Variants in FHIP2A observed in about 807,000 individuals in gnomAD.
The protein encoded by FHIP2A is FHF complex subunit HOOK interacting protein 2A, also known as family with sequence similarity 160 member B1.
Under a neutral mutation model 93.5 loss-of-function variants are expected in FHIP2A, and 46 were observed. The observed-to-expected ratio is 0.49, with a 90% CI of 0.39 to 0.63. The LOEUF (loss-of-function observed/expected upper bound fraction) is 0.63, where lower values mean the gene tolerates loss of function less well. FHIP2A is among the 20% of genes least tolerant of loss of function. The probability of loss-of-function intolerance (pLI) is 0.00; values close to 1 mark genes in which losing one functional copy is unlikely to be tolerated. For synonymous variants in FHIP2A, 332 were observed against 326.5 expected, an observed-to-expected ratio of 1.02 and a Z score of -0.18; for missense variants, 769 against 909.7, an observed-to-expected ratio of 0.85 and a Z score of 1.99.
At chr10:114,823,687 T>TG (rs1386492554) in intron 1 of FHIP2A, among the ~76,000 whole-genome samples, 6 of 148,760 alleles carry the variant, frequency 4.0e-5, no homozygotes, top group South Asian at 2.1e-4. Context: ...TTAGTAGAGA[T>TG]GGGGTTTCAC....
chr10:114,840,187 G>A (rs558610580), intron 5 of FHIP2A, among the ~76,000 whole-genome samples: 21 of 152,204 alleles, frequency 1.4e-4, no homozygotes, highest in African/African-American at 4.3e-4. Flanking sequence ...CCAGGAGTTC[G>A]AGATCAGCCT....
chr10:114,862,020 A>C lies in FHIP2A; in HGVS notation c.*480A>C, dbSNP rs560232129. ...AATTCTTATCAAACAAAATATGAAAACTGTAAATGAGAAAAAAATACAATT... is the reference window on the plus strand; with the variant it reads ...AATTCTTATCAAACAAAATATGAAACCTGTAAATGAGAAAAAAATACAATT... On this transcript the variant is annotated 3_prime_UTR_variant, in exon 17 of 17. Transcript: ENST00000369248. 172 of 970,166 alleles carry C rather than the reference A, an allele frequency of 1.8e-4. 1 individual carries two copies. In the African/African-American group the frequency reaches 2.9e-3, roughly 16 times the overall value. 60.1% of individuals were successfully genotyped at this position (970,166 alleles called of 1,614,324 possible).
intron 12 of FHIP2A, among the ~76,000 whole-genome samples, chr10:114,847,549 A>G (rs1264868202): frequency 3.9e-5 from 6 of 152,118 alleles, no homozygotes; most frequent in African/African-American, 1.4e-4. Context: ...TCGGCCTCCC[A>G]AAGTGTATAA....
At chr10:114,866,277 C>A (rs1282853705), downstream of FHIP2A, among the ~76,000 whole-genome samples, 7 of 152,164 alleles carry the variant, frequency 4.6e-5, no homozygotes, top group East Asian at 1.3e-3. Flanking sequence ...CTATCCATGT[C>A]CCTGCAAAGG....
Position 114,861,601 on chromosome 10 carries a change from T to C in FHIP2A, c.*61T>C. ...CTGTGTACATTTCACCAAAAAAGAC[T>C]CAGTTCCACCCAGCCACAAGAGGAT... On this transcript the variant is annotated 3_prime_UTR_variant, in exon 17 of 17. Transcript: ENST00000369248. The C allele has an allele frequency of 6.3e-7, 1 of 1,584,228 alleles. No homozygotes were observed. Among genetic ancestry groups the C allele is most frequent in the Non-Finnish European group, 8.6e-7 (1 of 1,167,922 alleles).
Position 114,821,898 on chromosome 10 carries a change from A to AGCC in FHIP2A, c.-177_-175dup, listed in dbSNP as rs2083525864. On this transcript the variant is annotated 5_prime_UTR_variant, in exon 1 of 17. Coordinates refer to ENST00000369248, the MANE Select transcript of FHIP2A (RefSeq NM_020940.4). The stretch of plus-strand genomic sequence containing the variant: ...GTCCCGGCGCCCTCCGGAGCCGCCG[A>AGCC]GCCGCCCGCGCACACCTGAAGCGGC... 2 of 310,872 alleles carry AGCC rather than the reference A, an allele frequency of 6.4e-6. No individual in the cohort carries two copies. Among genetic ancestry groups the AGCC allele is most frequent in the Non-Finnish European group, 1.2e-5 (2 of 170,022 alleles). The allele number at this position is 310,872 out of a possible 1,614,324, so 19.3% of individuals were successfully genotyped here.
chr10:114,864,012 A>G lies in FHIP2A; in HGVS notation c.*2472A>G. 2 of 1,001,502 alleles carry G rather than the reference A, an allele frequency of 2.0e-6. No homozygotes were observed. Among genetic ancestry groups the G allele is most frequent in the Non-Finnish European group, 2.4e-6 (2 of 839,972 alleles). 62.0% of individuals were successfully genotyped at this position (1,001,502 alleles called of 1,614,324 possible). ...ATTGCCATATAGTACTCACCTTATA[A>G]CTATGTAACTTTCTCGTAATGTATC... On this transcript the variant is annotated 3_prime_UTR_variant, in exon 17 of 17. Transcript: ENST00000369248.
intron 16 of FHIP2A, among the ~76,000 whole-genome samples, chr10:114,881,944 GTGTA>G (rs2083919337): frequency 6.6e-6 from 1 of 152,202 alleles, no homozygotes. Context: ...ACGTGCGCGT[GTGTA>G]TGTGTGTCTG....
chr10:114,870,822 A>C (rs144444534), intron 16 of FHIP2A, among the ~76,000 whole-genome samples: 33 of 152,078 alleles, frequency 2.2e-4, no homozygotes, highest in African/African-American at 7.5e-4. Flanking sequence ...TCCTCTATGT[A>C]CTGCTTTGTG....
intron 16 of FHIP2A, among the ~76,000 whole-genome samples, chr10:114,889,356 A>T (rs1010646610): frequency 1.3e-5 from 2 of 152,216 alleles, no homozygotes; most frequent in African/African-American, 4.8e-5. Flanking sequence ...AATGCTATTT[A>T]AAAAATAACA....
rs763219218 is a variant in FHIP2A, at chr10:114,830,909, C to A, written c.103C>A (p.His35Asn). The A allele has an allele frequency of 1.2e-6, 2 of 1,605,538 alleles. No homozygotes were observed. The highest frequency in any genetic ancestry group is 1.7e-6 in the Non-Finnish European group (2 of 1,174,528). The change falls in exon 2 of 17, where the codon CAT (histidine) becomes AAT (asparagine). Residue 35 changes from histidine (H) to asparagine (N), a missense_variant. His to Asn is a moderately conservative substitution (Grantham distance 68). Transcript: ENST00000369248. ...TGTTTATCACTGGAAGGCAATTACC[C>A]ATTACTACATAGAGACTTCAGGTAA... The part of the protein sequence containing the change: ...DFVYHWKAIT[H>N]YYIETSDDKA...
rs1256629578 is a variant in FHIP2A, at chr10:114,863,530, T to C, written c.*1990T>C. 3 of 1,177,344 alleles carry C rather than the reference T, an allele frequency of 2.5e-6. No homozygotes were observed. The African/African-American group carries it at 4.9e-5, about 19-fold the overall frequency. 72.9% of individuals were successfully genotyped at this position (1,177,344 alleles called of 1,614,324 possible). A position where few individuals can be genotyped will look rare whatever the true frequency, so the allele number is the denominator to read the frequency against. On this transcript the variant is annotated 3_prime_UTR_variant, in exon 17 of 17. Transcript: ENST00000369248. The stretch of plus-strand genomic sequence containing the variant: ...TATTTGTGTATATGTATGCTGCTTC[T>C]GAAAATATAATTTTTCTAAGTTGTT...
At chr10:114,879,784 T>C (rs1316418316) in intron 16 of FHIP2A, among the ~76,000 whole-genome samples, 1 of 152,150 alleles carries the variant, frequency 6.6e-6, no homozygotes, top group Admixed American at 6.5e-5. Flanking sequence ...AATACAAGGC[T>C]GGACCTACAG....
At chr10:114,827,594 G>A (rs752147495) in intron 1 of FHIP2A, among the ~76,000 whole-genome samples, 8 of 152,144 alleles carry the variant, frequency 5.3e-5, no homozygotes, top group South Asian at 2.1e-4. Flanking sequence ...TCAGGAGATC[G>A]AGACCATCCT....
chr10:114,880,020 A>G (rs2083909214), intron 16 of FHIP2A, among the ~76,000 whole-genome samples: 1 of 152,196 alleles, frequency 6.6e-6, no homozygotes, highest in Admixed American at 6.5e-5. Flanking sequence ...TCCGGCATTC[A>G]GTGGGGAAGA....
intron 16 of FHIP2A, among the ~76,000 whole-genome samples, chr10:114,873,313 T>C (rs998585955): frequency 1.3e-5 from 2 of 152,226 alleles, no homozygotes; most frequent in Admixed American, 1.3e-4. Context: ...TTGTGGATGT[T>C]ACAGAGGAGG....
intron 13 of FHIP2A, among the ~76,000 whole-genome samples, chr10:114,851,714 C>CAAAAAAAAAAA (rs60649106): frequency 8.5e-5 from 7 of 81,942 alleles, no homozygotes; most frequent in Admixed American, 1.6e-4. Context: ...TCCATTTCTG[C>CAAAAAAAAAAA]AAAAAAAAAA....
At position 114,862,422 on chromosome 10, in the gene FHIP2A, A is replaced by G. The variant is rs2143013374; in HGVS notation, c.*882A>G. ...CTTTATAATTTGATTTTCTTACTGAAACGCATGGTGGTGTCTAGGTGGGGA... is the reference window on the plus strand; with the variant it reads ...CTTTATAATTTGATTTTCTTACTGAGACGCATGGTGGTGTCTAGGTGGGGA... On this transcript the variant is annotated 3_prime_UTR_variant, in exon 17 of 17. Coordinates refer to ENST00000369248, the MANE Select transcript of FHIP2A (RefSeq NM_020940.4). 1 of 987,500 alleles carries G rather than the reference A, an allele frequency of 1.0e-6. No homozygotes were observed. The allele number at this position is 987,500 out of a possible 1,614,324, so 61.2% of individuals were successfully genotyped here.
At position 114,862,648 on chromosome 10, in the gene FHIP2A, G is replaced by T; in HGVS notation, c.*1108G>T. ...ATGGGTGTACATGTAGGAACCTGTA[G>T]TTCAGCAAAGCTGCGCTGGGCACAG... On this transcript the variant is annotated 3_prime_UTR_variant, in exon 17 of 17. Transcript: ENST00000369248. 1 of 985,698 alleles carries T rather than the reference G, an allele frequency of 1.0e-6. No homozygotes were observed. The highest frequency in any genetic ancestry group is 1.2e-6 in the Non-Finnish European group (1 of 830,104). 61.1% of individuals were successfully genotyped at this position (985,698 alleles called of 1,614,324 possible).
Sources: allele counts gnomAD v4.1 joint callset (sites outside exome capture counted in the v4.1 genomes callset), GRCh38; gene constraint gnomAD v4.1.1; transcripts MANE v1.5; gene names NCBI Gene and HGNC (gene_info 2026-07-23, HGNC 2026-07-21).